Variants in CNTN4 observed in about 807,000 individuals in gnomAD.
The protein encoded by CNTN4 is contactin 4, also known as contactin-4.
In CNTN4, 77 loss-of-function variants were observed where a neutral mutation model predicts 122.5. The ratio of observed to expected loss-of-function variants is 0.63; its 90% CI spans 0.52 to 0.76. The LOEUF (loss-of-function observed/expected upper bound fraction) is 0.76, where lower values mean the gene tolerates loss of function less well. CNTN4 is among the 30% of genes least tolerant of loss of function. CNTN4 has a pLI of 0.00. For missense variants in CNTN4, 1,256 were observed against 1,259.1 expected (o/e 1.00, Z 0.04); for synonymous variants, 512 against 447.0 (o/e 1.15, Z -1.83).
At chr3:2,273,182 G>T (rs2041370496) in intron 2 of CNTN4, among the ~76,000 whole-genome samples, 1 of 152,164 alleles carries the variant, frequency 6.6e-6, no homozygotes, top group Non-Finnish European at 1.5e-5. Flanking sequence ...GTAAGTAATT[G>T]TAAACTGTGA....
At chr3:3,034,588 TTTGAA>T (rs780836375) in intron 16 of CNTN4, 39 bp from the exon 17 acceptor site, 4 of 1,606,330 alleles carry the variant, frequency 2.5e-6, no homozygotes, top group Non-Finnish European at 3.4e-6. Flanking sequence ...TACTTGGGTG[TTTGAA>T]TACACTGCTC....
chr3:2,688,862 G>C (rs1175141309), intron 4 of CNTN4, among the ~76,000 whole-genome samples: 1 of 152,150 alleles, frequency 6.6e-6, no homozygotes, highest in Non-Finnish European at 1.5e-5. Context: ...CACTAGTGAC[G>C]GTTGAGCATT....
At chr3:2,892,766 T>C (rs905462555) in intron 10 of CNTN4, among the ~76,000 whole-genome samples, 18 of 152,316 alleles carry the variant, frequency 1.2e-4, no homozygotes, top group African/African-American at 4.3e-4. Flanking sequence ...GAATCTAATA[T>C]TTGAGCAGTA....
intron 4 of CNTN4, among the ~76,000 whole-genome samples, chr3:2,662,226 C>T (rs889398305): frequency 6.6e-6 from 1 of 152,162 alleles, no homozygotes; most frequent in African/African-American, 2.4e-5. Flanking sequence ...TTCCCATCAC[C>T]TTGCTGTTGA....
chr3:2,491,026 C>A (rs2076301371), intron 3 of CNTN4, among the ~76,000 whole-genome samples: 1 of 152,120 alleles, frequency 6.6e-6, no homozygotes, highest in South Asian at 2.1e-4. Context: ...GGGGAAAAAT[C>A]AGTCTTTCCA....
intron 2 of CNTN4, among the ~76,000 whole-genome samples, chr3:2,335,475 G>C (rs1400021764): frequency 1.3e-5 from 2 of 151,962 alleles, no homozygotes; most frequent in African/African-American, 2.4e-5. Context: ...GAAAGGTCTT[G>C]CCTTGTGTTC....
At chr3:2,274,321 T>G (rs2041415616) in intron 2 of CNTN4, among the ~76,000 whole-genome samples, 1 of 152,084 alleles carries the variant, frequency 6.6e-6, no homozygotes, top group African/African-American at 2.4e-5. Context: ...AGGCGGAGGT[T>G]GCAGGGAGCC....
intron 2 of CNTN4, among the ~76,000 whole-genome samples, chr3:2,241,853 G>C (rs540244120): frequency 6.6e-6 from 1 of 152,132 alleles, no homozygotes; most frequent in African/African-American, 2.4e-5. Flanking sequence ...GATTTTTCCT[G>C]AGTGTTGTGT....
At chr3:2,164,312 C>G (rs1451511591) in intron 2 of CNTN4, among the ~76,000 whole-genome samples, 1 of 151,558 alleles carries the variant, frequency 6.6e-6, no homozygotes, top group African/African-American at 2.4e-5. Context: ...AATTAATTAA[C>G]TGGAAGGCTG....
At chr3:2,783,519 C>T (rs969551352) in intron 6 of CNTN4, among the ~76,000 whole-genome samples, 1 of 152,122 alleles carries the variant, frequency 6.6e-6, no homozygotes, top group East Asian at 1.9e-4. Flanking sequence ...GAAGTAGGAG[C>T]CAAAGGAAGT....
intron 4 of CNTN4, among the ~76,000 whole-genome samples, chr3:2,579,847 A>G: frequency 6.6e-6 from 1 of 152,216 alleles, no homozygotes; most frequent in East Asian, 1.9e-4. Flanking sequence ...GGCAATGATA[A>G]TGATTATGGT....
chr3:2,297,508 A>G (rs956523509), intron 2 of CNTN4, among the ~76,000 whole-genome samples: 6 of 152,190 alleles, frequency 3.9e-5, no homozygotes, highest in East Asian at 1.9e-4. Context: ...TGACCTGCCT[A>G]TATAAAATAG....
chr3:2,594,842 G>GTTT (rs926723898), intron 4 of CNTN4, among the ~76,000 whole-genome samples: 3 of 152,090 alleles, frequency 2.0e-5, no homozygotes, highest in African/African-American at 7.2e-5. Context: ...ATTTAGAGTA[G>GTTT]TTTTTTCTTA....
intron 2 of CNTN4, among the ~76,000 whole-genome samples, chr3:2,246,170 T>A (rs546077187): frequency 9.3e-5 from 14 of 150,448 alleles, no homozygotes; most frequent in African/African-American, 2.9e-4. Context: ...TTAAAAAAAA[T>A]ATCATACAAT....
chr3:2,122,111 C>CAT (rs2033835041), intron 2 of CNTN4, among the ~76,000 whole-genome samples: 1 of 150,768 alleles, frequency 6.6e-6, no homozygotes. Flanking sequence ...GCTGAGATTG[C>CAT]GCCACTGCAC....
chr3:2,824,023 C>T (rs1035919415), intron 7 of CNTN4, among the ~76,000 whole-genome samples: 3 of 152,158 alleles, frequency 2.0e-5, no homozygotes, highest in Non-Finnish European at 2.9e-5. Context: ...GTGGTTCCCA[C>T]GCACACCCCA....
At chr3:2,554,486 G>C (rs114761210) in intron 3 of CNTN4, among the ~76,000 whole-genome samples, 2,051 of 152,080 alleles carry the variant, frequency 0.013, 43 homozygotes, top group African/African-American at 0.047. Context: ...CAGTAGTGAG[G>C]CCAGCTGATT....
At chr3:2,833,376 G>T (rs145473601) in intron 7 of CNTN4, among the ~76,000 whole-genome samples, 1,535 of 152,202 alleles carry the variant, frequency 0.01, 103 homozygotes, top group Admixed American at 0.092. Context: ...TTTTTATAAA[G>T]AACATAAAAT....
intron 2 of CNTN4, among the ~76,000 whole-genome samples, chr3:2,301,951 G>A (rs2042541355): frequency 6.6e-6 from 1 of 152,232 alleles, no homozygotes. Flanking sequence ...AAATTGATGA[G>A]AGGGATACAA....
Sources: allele counts gnomAD v4.1 joint callset (sites outside exome capture counted in the v4.1 genomes callset), GRCh38; gene constraint gnomAD v4.1.1; transcripts MANE v1.5; gene names NCBI Gene and HGNC (gene_info 2026-07-23, HGNC 2026-07-21).